Variants in USP11 observed in about 807,000 individuals in gnomAD.
USP11 encodes the protein ubiquitin specific peptidase 11.
USP11 carries 5 observed loss-of-function variants against 72.8 expected under a neutral mutation model. The ratio of observed to expected loss-of-function variants is 0.07; its 90% confidence interval spans 0.04 to 0.14. The LOEUF (loss-of-function observed/expected upper bound fraction) is 0.14. Among genes scored for constraint, USP11 ranks in the 10% least tolerant of loss-of-function variants. USP11 has a pLI of 1.00. For missense variants in USP11, 480 were observed against 794.7 expected, an observed-to-expected ratio of 0.60 and a Z score of 4.76; for synonymous variants, 368 against 326.5, an observed-to-expected ratio of 1.13 and a Z score of -1.37.
intron 1 of USP11, among the ~76,000 whole-genome samples, chrX:47,238,858 A>G (rs960896082): frequency 8.9e-6 from 1 of 112,099 alleles, no homozygotes; most frequent in Admixed American, 9.5e-5. Context: ...TCTGTTTTTA[A>G]TCAGATTTCT....
intron 1 of USP11, among the ~76,000 whole-genome samples, chrX:47,234,531 A>C (rs1447099970): frequency 4.5e-5 from 5 of 111,851 alleles, no homozygotes; most frequent in African/African-American, 1.6e-4. Flanking sequence ...TTTAGGGATA[A>C]GAACGCATCG....
At chrX:47,243,337 CAG>C in intron 12 of USP11, 57 bp from the exon 13 acceptor site, 2 of 1,161,001 alleles carry the variant, frequency 1.7e-6, no homozygotes, top group Non-Finnish European at 2.3e-6. Context: ...GCAGCCAGGG[CAG>C]AGTCAGGGAG....
At chrX:47,235,706 A>G (rs1452058818) in intron 1 of USP11, among the ~76,000 whole-genome samples, 1 of 110,792 alleles carries the variant, frequency 9.0e-6, no homozygotes, top group Non-Finnish European at 1.9e-5. Flanking sequence ...TTTACTCACT[A>G]CAGAGTTCTT....
At chrX:47,242,000 T>G in intron 9 of USP11, 82 bp from the exon 10 acceptor site, 2 of 1,038,171 alleles carry the variant, frequency 1.9e-6, no homozygotes, top group Non-Finnish European at 2.6e-6. Context: ...GCCTTCCGCT[T>G]CACCCCATTT....
intron 7 of USP11, 129 bp downstream of exon 7, chrX:47,241,005 A>C (rs2055399627): frequency 2.9e-6 from 2 of 686,949 alleles, no homozygotes; most frequent in Admixed American, 6.5e-5. Context: ...AGGCCCCACA[A>C]GTCTGAAGTG....
At chrX:47,245,521 T>C (rs2055427987) in intron 17 of USP11, 39 bp downstream of exon 17, 6 of 968,548 alleles carry the variant, frequency 6.2e-6, no homozygotes, top group South Asian at 4.2e-5. Flanking sequence ...GGGGGTTTCA[T>C]TGGATGGAAC....
chrX:47,241,765 G>A, intron 9 of USP11, 66 bp downstream of exon 9: 1 of 1,101,126 alleles, frequency 9.1e-7, no homozygotes. Context: ...GGATTTTCTG[G>A]CCTCCCTGGG....
At chrX:47,236,319 A>G (rs890599479) in intron 1 of USP11, among the ~76,000 whole-genome samples, 3 of 112,213 alleles carry the variant, frequency 2.7e-5, no homozygotes, top group Non-Finnish European at 1.9e-5. Flanking sequence ...ATTGCTGTCC[A>G]TTTTCCATTT....
chrX:47,237,880 C>T (rs1450931283), intron 1 of USP11, among the ~76,000 whole-genome samples: 1 of 108,003 alleles, frequency 9.3e-6, no homozygotes, highest in East Asian at 2.9e-4. Flanking sequence ...GTCCTGAAGT[C>T]CAAGCTGTCA....
intron 8 of USP11, 36 bp downstream of exon 8, chrX:47,241,486 G>A (rs776959255): frequency 1.6e-5 from 19 of 1,187,683 alleles, no homozygotes; most frequent in Admixed American, 6.8e-5. Flanking sequence ...GACCCCCTAC[G>A]TCTCTTGGCT....
At chrX:47,246,411 C>T (rs181935368) in intron 17 of USP11, among the ~76,000 whole-genome samples, 21 of 111,552 alleles carry the variant, frequency 1.9e-4, no homozygotes, top group African/African-American at 6.9e-4. Context: ...AAAATAGTTC[C>T]AAAGGGTTAA....
chrX:47,240,638 C>A lies in USP11; in HGVS notation c.733C>A (p.Leu245Met), dbSNP rs754333247. The A allele has an allele frequency of 6.6e-6, 8 of 1,212,253 alleles. No homozygotes were observed. Among genetic ancestry groups the A allele is most frequent in the Non-Finnish European group, 7.8e-6 (7 of 895,610 alleles). ...AGATGGCACTTGGCCCAGCGCACAG[C>A]TGCATGTCATGTGAGCCCTTGGGGT... Reference protein sequence around the residue: ...KKDGTWPSAQLHVMNNNMSEE... With the variant: ...KKDGTWPSAQMHVMNNNMSEE... Residue 245 changes from leucine (L) to methionine (M), a missense_variant, in exon 6 of 21, where the codon CTG becomes ATG. Leu to Met is a conservative substitution (Grantham distance 15, BLOSUM62 2). This residue lies in a region of USP11 where 80 missense variants were observed against 100.9 expected (regional missense o/e 0.79). Transcript: ENST00000377107.
rs2055391188 is a variant in USP11, at chrX:47,239,486, A to G, written c.417+5A>G. ...CAGCCACCCATTGAACGCAAGGTAT[A>G]ATGGATGGGGAGGGTGCATGGCGGG... On this transcript the variant is annotated splice_donor_5th_base_variant and intron_variant, in intron 3 of 20. Transcript: ENST00000377107. The G allele has an allele frequency of 1.7e-6, 2 of 1,209,285 alleles. No homozygotes were observed. Among genetic ancestry groups the G allele is most frequent in the African/African-American group, 1.7e-5 (1 of 57,192 alleles).
Position 47,248,084 on chromosome X carries a change from C to T in USP11, c.*154C>T. On this transcript the variant is annotated 3_prime_UTR_variant, in exon 21 of 21. Coordinates refer to ENST00000377107, the MANE Select transcript of USP11 (RefSeq NM_001371072.1). ...ACTGTTCTCCTGTGCCGCTGCATCG[C>T]TCTCTCCCGGGAAAGAACAGGTCGT... 1.2e-6 allele frequency: 1 copy of T among 856,361 alleles called. No individual in the cohort carries two copies. The highest frequency in any genetic ancestry group is 1.6e-6 in the Non-Finnish European group (1 of 631,432). The allele number at this position is 856,361 out of a possible 1,213,427, so 70.6% of individuals were successfully genotyped here. A position where few individuals can be genotyped will look rare whatever the true frequency, so the allele number is the denominator to read the frequency against.
At chrX:47,240,677 C>T (rs200261742) in intron 6 of USP11, 29 bp downstream of exon 6, 170 of 1,208,490 alleles carry the variant, frequency 1.4e-4, no homozygotes, top group Middle Eastern at 2.3e-4. Flanking sequence ...TGGTCCAGAG[C>T]GGGGGCGTCC....
At chrX:47,237,036 C>G (rs1396969470) in intron 1 of USP11, among the ~76,000 whole-genome samples, 2 of 111,953 alleles carry the variant, frequency 1.8e-5, no homozygotes, top group Non-Finnish European at 3.8e-5. Flanking sequence ...TCTATGAAAT[C>G]TATAGAAGTT....
intron 13 of USP11, among the ~76,000 whole-genome samples, chrX:47,244,047 T>G (rs1025867882): frequency 1.8e-5 from 2 of 110,771 alleles, no homozygotes; most frequent in Non-Finnish European, 3.8e-5. Flanking sequence ...ACAGCCGGTA[T>G]GTGTCTTGTC....
intron 9 of USP11, 28 bp downstream of exon 9, chrX:47,241,727 ATTAACATCACCAAG>A: frequency 4.3e-6 from 5 of 1,163,037 alleles, no homozygotes; most frequent in Non-Finnish European, 5.7e-6. Context: ...TTGCAGTCCA[ATTAACATCACCAAG>A]GCCTCTGCCT....
At position 47,240,673 on chromosome X, in the gene USP11, A is replaced by G. The variant is rs765793477; in HGVS notation, c.743+25A>G. ...TGTGAGCCCTTGGGGTATCTGGTCC[A>G]GAGCGGGGGCGTCCCACAGTAGGCA... On this transcript the variant is annotated intron_variant, in intron 6 of 20. Coordinates refer to ENST00000377107, the MANE Select transcript of USP11 (RefSeq NM_001371072.1). 5.0e-6 allele frequency: 6 copies of G among 1,211,424 alleles called. No individual in the cohort carries two copies. In the East Asian group the frequency reaches 1.8e-4, roughly 36 times the overall value.
Sources: allele counts gnomAD v4.1 joint callset (sites outside exome capture counted in the v4.1 genomes callset), GRCh38; gene constraint gnomAD v4.1.1; regional missense constraint gnomAD v4.1.1; transcripts MANE v1.5; gene names NCBI Gene and HGNC (gene_info 2026-07-23, HGNC 2026-07-21).